The following ARID2 variants were observed in gnomAD, a reference collection of about 807,000 sequenced individuals.
ARID2 encodes AT-rich interaction domain 2.
Under a neutral mutation model 184.6 loss-of-function variants are expected in ARID2, and 32 were observed. The ratio of observed to expected loss-of-function variants is 0.17; its 90% confidence interval spans 0.13 to 0.23. The LOEUF is 0.23. ARID2 is among the 10% of genes least tolerant of loss of function. ARID2 has a pLI of 1.00. For synonymous variants in ARID2, 836 were observed against 772.6 expected (o/e 1.08, Z -1.36); for missense variants, 1,696 against 2,197.6 (o/e 0.77, Z 4.56).
chr12:45,811,756 AG>A (rs1942712942), intron 4 of ARID2, among the ~76,000 whole-genome samples: 1 of 152,202 alleles, frequency 6.6e-6, no homozygotes. Flanking sequence ...AGGAATTTTT[AG>A]TTATAAAACA....
At chr12:45,789,252 A>G (rs532377564) in intron 3 of ARID2, 1 of 152,292 alleles carries the variant, frequency 6.6e-6, no homozygotes, top group African/African-American at 2.4e-5. Context: ...TAGTTGTGCA[A>G]GGTTAATTCT....
intron 6 of ARID2, among the ~76,000 whole-genome samples, chr12:45,826,234 G>GT (rs1373162865): frequency 2.6e-5 from 4 of 151,850 alleles, no homozygotes; most frequent in Non-Finnish European, 4.4e-5. Context: ...TGTTTACACA[G>GT]TTTTTTTACA....
intron 2 of ARID2, 128 bp downstream of exon 2, chr12:45,730,265 C>A: frequency 2.6e-6 from 2 of 781,162 alleles, no homozygotes; most frequent in South Asian, 2.6e-5. Context: ...TTTTCGCTCC[C>A]AGCCGGTGGC....
chr12:45,816,748 G>C (rs1298946270), intron 4 of ARID2, among the ~76,000 whole-genome samples: 1 of 152,168 alleles, frequency 6.6e-6, no homozygotes, highest in Non-Finnish European at 1.5e-5. Context: ...TATCAACATG[G>C]ATATGAATCT....
At chr12:45,885,734 C>T (rs1944175815) in intron 16 of ARID2, among the ~76,000 whole-genome samples, 2 of 152,210 alleles carry the variant, frequency 1.3e-5, no homozygotes, top group African/African-American at 4.8e-5. Context: ...TCCTTCTTCA[C>T]ATGGCAGCAG....
At chr12:45,879,934 G>GAAC (rs1398690163) in intron 16 of ARID2, among the ~76,000 whole-genome samples, 5 of 152,162 alleles carry the variant, frequency 3.3e-5, no homozygotes. Context: ...TGATGCCTTT[G>GAAC]AATAGTGGAG....
chr12:45,811,332 G>T (rs2138082005), intron 3 of ARID2, 86 bp from the exon 4 acceptor site: 1 of 1,371,046 alleles, frequency 7.3e-7, no homozygotes, highest in Non-Finnish European at 9.7e-7. Context: ...TTATTGTTTA[G>T]AAAAGGAAAA....
At chr12:45,775,079 T>C (rs1046625305) in intron 3 of ARID2, among the ~76,000 whole-genome samples, 25 of 152,176 alleles carry the variant, frequency 1.6e-4, no homozygotes, top group African/African-American at 6.0e-4. Context: ...GAAATGTTAA[T>C]AGTGCTGAGG....
chr12:45,743,731 C>G (rs1203700532), intron 3 of ARID2, among the ~76,000 whole-genome samples: 2 of 152,096 alleles, frequency 1.3e-5, no homozygotes, highest in African/African-American at 4.8e-5. Context: ...TGTGATGATA[C>G]CGAGTTGACC....
At chr12:45,811,852 A>G (rs1041676872) in intron 4 of ARID2, among the ~76,000 whole-genome samples, 5 of 152,212 alleles carry the variant, frequency 3.3e-5, no homozygotes, top group African/African-American at 1.2e-4. Flanking sequence ...AAGAAGAGGA[A>G]GATCCTGTTA....
At chr12:45,855,616 G>A (rs534299447) in intron 15 of ARID2, among the ~76,000 whole-genome samples, 2 of 152,310 alleles carry the variant, frequency 1.3e-5, no homozygotes, top group South Asian at 2.1e-4. Flanking sequence ...GTTCAAGATG[G>A]CGTTATAAGT....
chr12:45,736,057 G>C (rs147280583), intron 3 of ARID2, among the ~76,000 whole-genome samples: 1 of 152,246 alleles, frequency 6.6e-6, no homozygotes, highest in East Asian at 1.9e-4. Context: ...TAACGTCTTT[G>C]ATAGACAAGT....
At chr12:45,746,604 A>T (rs183791709) in intron 3 of ARID2, among the ~76,000 whole-genome samples, 31 of 152,244 alleles carry the variant, frequency 2.0e-4, no homozygotes, top group Non-Finnish European at 8.8e-5. Context: ...TTTAGCTAAC[A>T]TTTATTTAAT....
rs1413762164 is a variant in ARID2, at chr12:45,848,883, C to T, written c.1628C>T (p.Ala543Val). The stretch of plus-strand genomic sequence containing the variant: ...AATCCAGATTGTTCTGTTTCTCGAG[C>T]AGAAATGTATTCTGAATACCTCTCG... The part of the protein sequence containing the change: ...EVNPDCSVSR[A>V]EMYSEYLSTC... The change falls in exon 13 of 21, where the codon GCA (alanine) becomes GTA (valine). Residue 543 changes from alanine to valine, a missense_variant. Around this residue, in one of 11 missense-constraint regions of ARID2, gnomAD observed 713 missense variants for 824.4 expected, o/e 0.86. Transcript: ENST00000334344. The T allele has an allele frequency of 8.1e-6, 13 of 1,611,966 alleles. No individual in the cohort carries two copies. The highest frequency in any genetic ancestry group is 9.3e-6 in the Non-Finnish European group (11 of 1,178,842).
chr12:45,796,133 C>G (rs995789590), intron 3 of ARID2, among the ~76,000 whole-genome samples: 1 of 151,994 alleles, frequency 6.6e-6, no homozygotes, highest in Non-Finnish European at 1.5e-5. Flanking sequence ...TTATTCAGAA[C>G]TCAGAAGGAA....
chr12:45,827,976 T>G (rs1943033842), intron 6 of ARID2, among the ~76,000 whole-genome samples: 1 of 152,136 alleles, frequency 6.6e-6, no homozygotes, highest in Non-Finnish European at 1.5e-5. Flanking sequence ...GCATTGACTT[T>G]GTAATTTAAT....
chr12:45,770,126 G>T (rs1339897098), intron 3 of ARID2, among the ~76,000 whole-genome samples: 1 of 151,910 alleles, frequency 6.6e-6, no homozygotes, highest in Admixed American at 6.6e-5. Context: ...GGTGGTGGGC[G>T]CCTGTAGTCC....
In ARID2 at chr12:45,804,893, C is replaced by A. The variant is rs367924621; in HGVS notation, c.285-6525C>A. On this transcript the variant is annotated intron_variant, in intron 3 of 20. Coordinates refer to ENST00000334344, the MANE Select transcript of ARID2 (RefSeq NM_152641.4). ...ACTTGTCTGTTGCTACAAATATATT[C>A]GATTTTTTGCATGCTTATGATCTTC... Among the ~76,000 whole-genome samples, 5 of 151,972 alleles carry A rather than the reference C, an allele frequency of 3.3e-5. No individual in the cohort carries two copies. The East Asian group carries it at 9.7e-4, about 29-fold the overall frequency.
Position 45,838,169 on chromosome 12 carries a change from G to A in ARID2, c.1330+462G>A, listed in dbSNP as rs756215534. Among the ~76,000 whole-genome samples, 19 of 152,186 alleles carry A rather than the reference G, an allele frequency of 1.2e-4. 1 individual carries two copies. The highest frequency in any genetic ancestry group is 2.6e-4 in the Non-Finnish European group (18 of 68,028). On this transcript the variant is annotated intron_variant, in intron 10 of 20. Coordinates refer to ENST00000334344, the MANE Select transcript of ARID2 (RefSeq NM_152641.4). ...CAGCTACTACTGTTAAACAATTAAA[G>A]CTAAGTGAAATATGTTTCCTTCTGT...
Sources: allele counts gnomAD v4.1 joint callset (sites outside exome capture counted in the v4.1 genomes callset), GRCh38; gene constraint gnomAD v4.1.1; regional missense constraint gnomAD v4.1.1; transcripts MANE v1.5; gene names NCBI Gene and HGNC (gene_info 2026-07-23, HGNC 2026-07-21).